The following UQCC1 variants were observed in gnomAD, a reference collection of about 807,000 sequenced individuals.
UQCC1 encodes ubiquinol-cytochrome c reductase complex assembly factor 1, also known as bFGF-repressed Zic-binding protein.
Under a neutral mutation model 48.0 loss-of-function variants are expected in UQCC1, and 38 were observed. The ratio of observed to expected loss-of-function variants is 0.79; its 90% CI spans 0.61 to 1.04. UQCC1 has a LOEUF of 1.04. Ranked by LOEUF, UQCC1 falls within the 50% of genes least tolerant of loss-of-function variation. UQCC1 has a pLI of 0.00. For missense variants in UQCC1, 368 were observed against 381.8 expected (o/e 0.96, Z 0.30); for synonymous variants, 111 against 129.2 (o/e 0.86, Z 0.95).
chr20:35,308,894 T>C (rs1472543591), intron 8 of UQCC1, among the ~76,000 whole-genome samples: 1 of 152,122 alleles, frequency 6.6e-6, no homozygotes, highest in African/African-American at 2.4e-5. Context: ...TTTTGTATTT[T>C]TAGTAGAGAC....
intron 2 of UQCC1, chr20:35,384,648 TA>T (rs386393686): frequency 0.05 from 18,539 of 372,816 alleles, no homozygotes; most frequent in Middle Eastern, 0.071. Context: ...ACCCTGTCTG[TA>T]AAAAAAAAAA....
chr20:35,315,050 C>G, intron 7 of UQCC1: 1 of 231,356 alleles, frequency 4.3e-6, no homozygotes, highest in Non-Finnish European at 8.8e-6. Context: ...GTATAAGAAA[C>G]AGTTTCTTGA....
chr20:35,328,868 C>T (rs955901930), intron 7 of UQCC1, among the ~76,000 whole-genome samples: 8 of 152,190 alleles, frequency 5.3e-5, no homozygotes, highest in African/African-American at 1.4e-4. Context: ...TCGTCTGTTT[C>T]GTGTGGAAGT....
At chr20:35,321,283 T>TGTGTGTGTGTGC (rs1389196330) in intron 7 of UQCC1, among the ~76,000 whole-genome samples, 427 of 141,554 alleles carry the variant, frequency 3.0e-3, no homozygotes, top group African/African-American at 0.011. Context: ...TGTGTGTGTG[T>TGTGTGTGTGTGC]GCGCGCGCGC....
At chr20:35,397,085 C>A (rs2062088926) in intron 1 of UQCC1, among the ~76,000 whole-genome samples, 1 of 151,672 alleles carries the variant, frequency 6.6e-6, no homozygotes, top group Non-Finnish European at 1.5e-5. Context: ...GTAGTCCCAG[C>A]TACTCTGGAG....
Position 35,331,982 on chromosome 20 carries a change from T to G in UQCC1, c.573+15182A>C, listed in dbSNP as rs150162319. On this transcript the variant is annotated intron_variant, in intron 7 of 9. Coordinates refer to ENST00000374385, the MANE Select transcript of UQCC1 (RefSeq NM_018244.5). The stretch of plus-strand genomic sequence containing the variant: ...GTGACTTACCTTATAGAGGATGGAA[T>G]GGAGACAATGAGAGGTAAAGAGACT... Among the ~76,000 whole-genome samples the G allele has an allele frequency of 5.9e-5, 9 of 152,314 alleles. No homozygotes were observed. The South Asian group carries it at 6.2e-4, about 11-fold the overall frequency.
At chr20:35,313,878 G>A (rs763796792) in intron 8 of UQCC1, among the ~76,000 whole-genome samples, 1 of 152,164 alleles carries the variant, frequency 6.6e-6, no homozygotes, top group Non-Finnish European at 1.5e-5. Flanking sequence ...AAGGTGCTGG[G>A]ATTACAGGCG....
intron 7 of UQCC1, among the ~76,000 whole-genome samples, chr20:35,327,605 G>T (rs2061209285): frequency 6.6e-6 from 1 of 152,228 alleles, no homozygotes; most frequent in African/African-American, 2.4e-5. Flanking sequence ...CCTGGGAATG[G>T]CTGAGCCTGG....
chr20:35,380,474 G>C (rs904144465), intron 4 of UQCC1, among the ~76,000 whole-genome samples: 1 of 152,142 alleles, frequency 6.6e-6, no homozygotes, highest in East Asian at 1.9e-4. Context: ...AGTAATTATA[G>C]AGAGAAGCTC....
intron 7 of UQCC1, among the ~76,000 whole-genome samples, chr20:35,320,092 C>G (rs2061106143): frequency 6.6e-6 from 1 of 152,160 alleles, no homozygotes; most frequent in Non-Finnish European, 1.5e-5. Flanking sequence ...CTTAGTCATA[C>G]TGCTGCCAGG....
intron 6 of UQCC1, among the ~76,000 whole-genome samples, chr20:35,358,438 T>TA (rs11167266): frequency 0.97 from 144,172 of 148,720 alleles, 69,912 homozygotes; most frequent in East Asian, 1. Flanking sequence ...AAAATAAACT[T>TA]AAAAAAATCT....
chr20:35,356,997 C>T (rs753799582), intron 6 of UQCC1, among the ~76,000 whole-genome samples: 1 of 152,186 alleles, frequency 6.6e-6, no homozygotes, highest in African/African-American at 2.4e-5. Context: ...TCAACAGGTA[C>T]AACTCAGAGA....
At chr20:35,318,581 T>C (rs1162143703) in intron 7 of UQCC1, among the ~76,000 whole-genome samples, 1 of 152,244 alleles carries the variant, frequency 6.6e-6, no homozygotes, top group African/African-American at 2.4e-5. Flanking sequence ...TCCAGTGACC[T>C]GTAAGCTGCC....
intron 2 of UQCC1, chr20:35,384,648 T>TA (rs386393686): frequency 0.095 from 35,168 of 370,470 alleles, 81 homozygotes; most frequent in South Asian, 0.12. Flanking sequence ...ACCCTGTCTG[T>TA]AAAAAAAAAA....
Position 35,372,216 on chromosome 20 carries a change from G to A in UQCC1, c.406+1968C>T, listed in dbSNP as rs562770399. Among the ~76,000 whole-genome samples the A allele has an allele frequency of 5.9e-5, 9 of 151,860 alleles. No individual in the cohort carries two copies. The East Asian group carries it at 1.2e-3, about 20-fold the overall frequency. On this transcript the variant is annotated intron_variant, in intron 5 of 9. Transcript: ENST00000374385. Reference sequence around the variant, plus strand: ...AATCCCAGCTACTTGGGAGGCTGAGGCAGAATTGCTTGAATCCGGGAGGCA... The same window carrying A: ...AATCCCAGCTACTTGGGAGGCTGAGACAGAATTGCTTGAATCCGGGAGGCA...
At chr20:35,374,877 A>AGT (rs767490932) in intron 4 of UQCC1, among the ~76,000 whole-genome samples, 1 of 152,114 alleles carries the variant, frequency 6.6e-6, no homozygotes, top group Non-Finnish European at 1.5e-5. Flanking sequence ...TTTTGATATG[A>AGT]GTGGTGGTTT....
chr20:35,314,682 T>A lies in UQCC1; in HGVS notation c.651+6A>T. 1 of 1,604,132 alleles carries A rather than the reference T, an allele frequency of 6.2e-7. No homozygotes were observed. The highest frequency in any genetic ancestry group is 2.2e-5 in the East Asian group (1 of 44,724). ...GTCCTGCCTAAGCCTTGGCAAACAA[T>A]CTTACCTCATCATATCCCAAGATCG... On this transcript the variant is annotated splice_donor_region_variant and intron_variant, in intron 8 of 9. Coordinates refer to ENST00000374385, the MANE Select transcript of UQCC1 (RefSeq NM_018244.5).
At chr20:35,393,512 AC>A (rs1158044697) in intron 2 of UQCC1, among the ~76,000 whole-genome samples, 2,131 of 131,912 alleles carry the variant, frequency 0.016, 46 homozygotes, top group African/African-American at 0.052. Flanking sequence ...AAACACACAC[AC>A]ACACACACAC....
intron 7 of UQCC1, among the ~76,000 whole-genome samples, chr20:35,334,135 G>A (rs1250861555): frequency 3.3e-5 from 5 of 152,162 alleles, no homozygotes; most frequent in East Asian, 3.8e-4. Flanking sequence ...AGCCCAACCT[G>A]AGCTGGTGCT....
Sources: gnomAD v4.1 joint callset for allele counts (sites outside exome capture counted in the v4.1 genomes callset) on GRCh38, gnomAD v4.1.1 for gene constraint, MANE v1.5 for transcripts, NCBI Gene and HGNC (gene_info 2026-07-23, HGNC 2026-07-21) for gene names.